RANBP2: variants seen among roughly 807,000 people sequenced by gnomAD.
RANBP2 encodes E3 SUMO-protein ligase RanBP2.
Under a neutral mutation model 303.6 loss-of-function variants are expected in RANBP2, and 57 were observed. That is an observed-to-expected ratio of 0.19 (90% CI 0.15 to 0.23). The LOEUF (loss-of-function observed/expected upper bound fraction) is 0.23, where lower values mean the gene tolerates loss of function less well. Ranked by LOEUF, RANBP2 falls within the 10% of genes least tolerant of loss-of-function variation. RANBP2 has a pLI of 1.00. For synonymous variants in RANBP2, 1,167 were observed against 1,301.5 expected (o/e 0.90, Z 2.23); for missense variants, 3,138 against 3,780.8 (o/e 0.83, Z 4.46).
the RANBP2 span, among the ~76,000 whole-genome samples, chr2:109,284,702 A>G: frequency 2.0e-5 from 3 of 152,176 alleles, no homozygotes; most frequent in Admixed American, 2.0e-4. Flanking sequence ...TTCCCAGTCT[A>G]GGCCAGGCAG....
chr2:109,030,901 C>T, the RANBP2 span, among the ~76,000 whole-genome samples: 1 of 152,136 alleles, frequency 6.6e-6, no homozygotes, highest in Non-Finnish European at 1.5e-5. Flanking sequence ...TTTTTAACAT[C>T]TCCCAAGTCT....
At chr2:108,907,045 G>T in the RANBP2 span, among the ~76,000 whole-genome samples, 1 of 152,224 alleles carries the variant, frequency 6.6e-6, no homozygotes, top group Non-Finnish European at 1.5e-5. Flanking sequence ...CACAGGCCAG[G>T]TCTACAGGGA....
At chr2:109,499,126 T>C in the RANBP2 span, among the ~76,000 whole-genome samples, 60,092 of 151,860 alleles carry the variant, frequency 0.4, 12,233 homozygotes, top group Admixed American at 0.53. Flanking sequence ...AGGCCCAGAG[T>C]GGGCAGCCGC....
chr2:108,721,094 TG>T, intron 1 of RANBP2, among the ~76,000 whole-genome samples: 1 of 152,250 alleles, frequency 6.6e-6, no homozygotes, highest in South Asian at 2.1e-4. Context: ...CGGATGACCA[TG>T]ATTATAATAG....
chr2:109,441,347 G>A, the RANBP2 span, among the ~76,000 whole-genome samples: 1 of 152,112 alleles, frequency 6.6e-6, no homozygotes, highest in Non-Finnish European at 1.5e-5. Flanking sequence ...AAGTTAAGTA[G>A]AGACATAATA....
At chr2:109,779,198 G>GGGAGGT in the RANBP2 span, among the ~76,000 whole-genome samples, 5 of 76,698 alleles carry the variant, frequency 6.5e-5, no homozygotes, top group Admixed American at 9.2e-4. Context: ...ATGCCTTTGT[G>GGGAGGT]GGAGGTTCCT....
At chr2:109,458,291 T>C in the RANBP2 span, among the ~76,000 whole-genome samples, 3 of 152,178 alleles carry the variant, frequency 2.0e-5, no homozygotes, top group African/African-American at 4.8e-5. Flanking sequence ...TCTGTCTGGA[T>C]CTCAAATAGA....
chr2:109,390,536 A>G, the RANBP2 span, among the ~76,000 whole-genome samples: 1 of 152,202 alleles, frequency 6.6e-6, no homozygotes, highest in Non-Finnish European at 1.5e-5. Context: ...ACCCAATATC[A>G]AGAGGTTAAA....
At position 108,736,090 on chromosome 2, in the gene RANBP2, A is replaced by G; in HGVS notation, c.637-14A>G. The G allele has an allele frequency of 6.2e-7, 1 of 1,611,768 alleles. No homozygotes were observed. The highest frequency in any genetic ancestry group is 8.5e-7 in the Non-Finnish European group (1 of 1,179,776). ...GATTAAGTTTTGTAACTTACTGTTC[A>G]TTCCACAAAATAGGAATATCTGGAG... On this transcript the variant is annotated splice_polypyrimidine_tract_variant and intron_variant, in intron 5 of 28. Coordinates refer to ENST00000283195, the MANE Select transcript of RANBP2 (RefSeq NM_006267.5).
At chr2:109,658,696 G>T in the RANBP2 span, among the ~76,000 whole-genome samples, 2 of 151,248 alleles carry the variant, frequency 1.3e-5, no homozygotes, top group Admixed American at 6.6e-5. Context: ...GGAGACTGAG[G>T]GGGGCCAGAT....
At chr2:109,432,580 G>A in the RANBP2 span, 5 of 1,613,572 alleles carry the variant, frequency 3.1e-6, no homozygotes, top group Non-Finnish European at 3.4e-6. Context: ...CCGGGTCCTC[G>A]AGAAGTGTCA....
At chr2:109,521,737 A>G in the RANBP2 span, among the ~76,000 whole-genome samples, 23 of 152,240 alleles carry the variant, frequency 1.5e-4, no homozygotes, top group African/African-American at 5.1e-4. Flanking sequence ...TGTATCCAAG[A>G]AAGCAGGGTG....
the RANBP2 span, among the ~76,000 whole-genome samples, chr2:109,240,473 C>T: frequency 1.3e-4 from 20 of 152,070 alleles, no homozygotes; most frequent in East Asian, 3.5e-3. Flanking sequence ...GGGCGACAAA[C>T]AAAAAAACAA....
At chr2:109,494,989 A>G in the RANBP2 span, among the ~76,000 whole-genome samples, 1 of 152,010 alleles carries the variant, frequency 6.6e-6, no homozygotes, top group Non-Finnish European at 1.5e-5. Context: ...CGAGGCTGGC[A>G]GGCTCAGCTG....
At chr2:108,841,376 A>G in the RANBP2 span, among the ~76,000 whole-genome samples, 6,260 of 152,208 alleles carry the variant, frequency 0.041, 435 homozygotes, top group African/African-American at 0.14. Context: ...GTCTCTGGCT[A>G]TAATTGTAGA....
chr2:108,886,576 G>T, the RANBP2 span, among the ~76,000 whole-genome samples: 1 of 151,918 alleles, frequency 6.6e-6, no homozygotes, highest in African/African-American at 2.4e-5. Context: ...CACCATGCCC[G>T]GCTAATTTTT....
At chr2:109,078,197 CGT>C in the RANBP2 span, among the ~76,000 whole-genome samples, 1 of 34,026 alleles carries the variant, frequency 2.9e-5, no homozygotes, top group African/African-American at 1.3e-4. Context: ...ATATATATAG[CGT>C]ATATATATAG....
chr2:109,297,748 C>T, the RANBP2 span, among the ~76,000 whole-genome samples: 1 of 151,806 alleles, frequency 6.6e-6, no homozygotes, highest in Non-Finnish European at 1.5e-5. Flanking sequence ...GGACAGTGTC[C>T]CTTATCCAGT....
the RANBP2 span, among the ~76,000 whole-genome samples, chr2:109,123,319 T>TTTCCTTCCTTCCTTCC: frequency 7.3e-4 from 95 of 130,060 alleles, no homozygotes; most frequent in African/African-American, 2.0e-3. Flanking sequence ...CTTTTCTTTC[T>TTTCCTTCCTTCCTTCC]TTCCTTCCTT....
Sources: gnomAD v4.1 joint callset for allele counts (sites outside exome capture counted in the v4.1 genomes callset) on GRCh38, gnomAD v4.1.1 for gene constraint, MANE v1.5 for transcripts, NCBI Gene and HGNC (gene_info 2026-07-23, HGNC 2026-07-21) for gene names.